GADL1: variants seen among roughly 807,000 people sequenced by gnomAD.
GADL1 encodes acidic amino acid decarboxylase GADL1.
In GADL1, 71 loss-of-function variants were observed where a neutral mutation model predicts 69.5. The observed-to-expected ratio is 1.02, with a 90% confidence interval of 0.84 to 1.25. The LOEUF (loss-of-function observed/expected upper bound fraction) is 1.25, where lower values mean the gene tolerates loss of function less well. Ranked by LOEUF, GADL1 falls within the 50% of genes most tolerant of loss-of-function variation. The pLI, the probability that GADL1 is intolerant of heterozygous loss-of-function variation, is 0.00. For missense variants in GADL1, 737 were observed against 631.8 expected, an observed-to-expected ratio of 1.17 and a Z score of -1.79; for synonymous variants, 254 against 214.4, an observed-to-expected ratio of 1.18 and a Z score of -1.62.
At chr3:30,783,250 A>AT (rs796496223) in intron 13 of GADL1, among the ~76,000 whole-genome samples, 63 of 152,332 alleles carry the variant, frequency 4.1e-4, no homozygotes, top group African/African-American at 1.5e-3. Flanking sequence ...CTCCCAAGAG[A>AT]TAAAAAATAA....
At chr3:30,766,446 C>T (rs1289764218) in intron 14 of GADL1, among the ~76,000 whole-genome samples, 1 of 152,190 alleles carries the variant, frequency 6.6e-6, no homozygotes, top group Non-Finnish European at 1.5e-5. Context: ...ACATTTACTT[C>T]ACATCAGGCT....
Position 30,842,822 on chromosome 3 carries a change from T to TCAAAAAA in GADL1, c.786+1387_786+1388insTTTTTTG, listed in dbSNP as rs1553602110. Among the ~76,000 whole-genome samples the TCAAAAAA allele has an allele frequency of 2.9e-5, 3 of 103,490 alleles. No individual in the cohort carries two copies. In the East Asian group the frequency reaches 9.6e-4, roughly 33 times the overall value. 67.9% of individuals were successfully genotyped at this position (103,490 alleles called of 152,430 possible). On this transcript the variant is annotated intron_variant, in intron 8 of 14. Coordinates refer to ENST00000282538, the MANE Select transcript of GADL1 (RefSeq NM_207359.3). ...AAAGTTCACTTGTCATTGGAATGTT[T>TCAAAAAA]AAAAAAAAAAAAAAAAAAAAAGTAG...
chr3:30,732,335 T>TTTTCTTCAAATTGTAAATCAAATTC (rs1695471301), intron 14 of GADL1, among the ~76,000 whole-genome samples: 1 of 152,188 alleles, frequency 6.6e-6, no homozygotes, highest in Non-Finnish European at 1.5e-5. Context: ...TTCTGCTGTT[T>TTTTCTTCAAATTGTAAATCAAATTC]TTTCTTCAAA....
intron 13 of GADL1, among the ~76,000 whole-genome samples, chr3:30,779,270 T>C (rs1366700795): frequency 6.6e-6 from 1 of 152,236 alleles, no homozygotes; most frequent in Non-Finnish European, 1.5e-5. Flanking sequence ...GTCATATGCA[T>C]CTTCCTCATT....
At chr3:30,732,067 A>C (rs1436143651) in intron 14 of GADL1, among the ~76,000 whole-genome samples, 3 of 152,216 alleles carry the variant, frequency 2.0e-5, no homozygotes, top group Non-Finnish European at 4.4e-5. Flanking sequence ...ACTAACAGTC[A>C]GCTTATCACC....
intron 2 of GADL1, among the ~76,000 whole-genome samples, chr3:30,858,286 T>C (rs866571197): frequency 6.6e-6 from 1 of 151,970 alleles, no homozygotes; most frequent in African/African-American, 2.4e-5. Context: ...TGACATATTA[T>C]AGAGTTTGGA....
At position 30,840,631 on chromosome 3, in the gene GADL1, C is replaced by T. The variant is rs554039548; in HGVS notation, c.787-1518G>A. Among the ~76,000 whole-genome samples the T allele has an allele frequency of 3.3e-5, 5 of 152,264 alleles. No individual in the cohort carries two copies. In the South Asian group the frequency reaches 6.2e-4, roughly 19 times the overall value. ...ATTTAAGTTGTCTTTAATGGTTGCG[C>T]TTTTCCTCATAAACTATATGACATC... On this transcript the variant is annotated intron_variant, in intron 8 of 14. Transcript: ENST00000282538.
intron 9 of GADL1, among the ~76,000 whole-genome samples, chr3:30,838,250 T>A (rs1393072344): frequency 3.3e-5 from 5 of 152,032 alleles, no homozygotes; most frequent in Admixed American, 1.3e-4. Context: ...ACAAAAAAAA[T>A]TAATTTTAAA....
At chr3:30,808,790 C>T (rs1697301427) in intron 11 of GADL1, among the ~76,000 whole-genome samples, 1 of 152,118 alleles carries the variant, frequency 6.6e-6, no homozygotes, top group South Asian at 2.1e-4. Flanking sequence ...TTTTTCTTCC[C>T]TCACTGTTAT....
rs189055959 is a variant in GADL1 at position 30,879,018 on chromosome 3, T to A, written c.37+15560A>T. Among the ~76,000 whole-genome samples the A allele has an allele frequency of 1.9e-3, 289 of 151,886 alleles. 4 individuals carry two copies. The highest frequency in any genetic ancestry group is 6.6e-3 in the African/African-American group (273 of 41,494). Reference sequence around the variant, plus strand: ...TGATGACTTCTAGGTATGTGGGGAGTAAAGAATGTCTCACTCAACCTCAGA... The same window carrying A: ...TGATGACTTCTAGGTATGTGGGGAGAAAAGAATGTCTCACTCAACCTCAGA... On this transcript the variant is annotated intron_variant, in intron 1 of 14. Coordinates refer to ENST00000282538, the MANE Select transcript of GADL1 (RefSeq NM_207359.3).
At chr3:30,874,647 A>G (rs886893343) in intron 1 of GADL1, among the ~76,000 whole-genome samples, 4 of 151,968 alleles carry the variant, frequency 2.6e-5, no homozygotes, top group Non-Finnish European at 5.9e-5. Context: ...TGTTATCTAC[A>G]TTCCACCACT....
chr3:30,832,353 A>T (rs568111086), intron 11 of GADL1, among the ~76,000 whole-genome samples: 1 of 150,846 alleles, frequency 6.6e-6, no homozygotes, highest in African/African-American at 2.5e-5. Flanking sequence ...AAAAAAAAAA[A>T]CCCTGTTAAG....
At chr3:30,743,961 T>TG (rs889326314) in intron 14 of GADL1, among the ~76,000 whole-genome samples, 2 of 152,110 alleles carry the variant, frequency 1.3e-5, no homozygotes, top group Non-Finnish European at 2.9e-5. Flanking sequence ...GTCTGGATGC[T>TG]GGGGGGAAGA....
rs142092596 is a variant in GADL1 at position 30,816,054 on chromosome 3, C to T, written c.1051-14966G>A. 1.9e-3 allele frequency among the ~76,000 whole-genome samples: 291 copies of T among 152,198 alleles called. 3 individuals carry two copies. The highest frequency in any genetic ancestry group is 6.6e-3 in the African/African-American group (272 of 41,516). On this transcript the variant is annotated intron_variant, in intron 11 of 14. Transcript: ENST00000282538. ...GATTTAATGGGTTACTATATTTATC[C>T]ACTTGTTTTATCTGTTTATTGAACT...
chr3:30,792,951 G>C (rs1696953405), intron 12 of GADL1, among the ~76,000 whole-genome samples: 1 of 152,140 alleles, frequency 6.6e-6, no homozygotes, highest in Non-Finnish European at 1.5e-5. Context: ...AGGTTCTACA[G>C]GCAAGAGAGA....
rs1323614981 is a variant in GADL1, at chr3:30,861,539, G to T, written c.210+54C>A. On this transcript the variant is annotated intron_variant, in intron 2 of 14. Transcript: ENST00000282538. Reference sequence around the variant, plus strand: ...GCTTTCTATTCAGCCATACTGATTTGGGGAACATCTATCTTTCCCATTTCT... The same window carrying T: ...GCTTTCTATTCAGCCATACTGATTTTGGGAACATCTATCTTTCCCATTTCT... 3.0e-6 allele frequency: 4 copies of T among 1,320,136 alleles called. No individual in the cohort carries two copies. The African/African-American group carries it at 4.5e-5, about 15-fold the overall frequency. 81.8% of individuals were successfully genotyped at this position (1,320,136 alleles called of 1,614,324 possible).
At chr3:30,741,128 ATATATATATATG>A (rs1157571208) in intron 14 of GADL1, among the ~76,000 whole-genome samples, 10 of 134,460 alleles carry the variant, frequency 7.4e-5, no homozygotes, top group African/African-American at 2.9e-4. Context: ...ATATATATAT[ATATATATATATG>A]TGTGAGATAG....
intron 14 of GADL1, among the ~76,000 whole-genome samples, chr3:30,756,534 C>A (rs1695974766): frequency 6.6e-6 from 1 of 152,176 alleles, no homozygotes; most frequent in Non-Finnish European, 1.5e-5. Context: ...GTAATCTAGC[C>A]TGGTCTTGGA....
intron 14 of GADL1, among the ~76,000 whole-genome samples, chr3:30,756,379 TAA>T (rs1448411850): frequency 6.6e-6 from 1 of 151,778 alleles, no homozygotes; most frequent in Non-Finnish European, 1.5e-5. Context: ...TGTCAAGCCA[TAA>T]AACACTCTAT....
Sources: allele counts gnomAD v4.1 joint callset (sites outside exome capture counted in the v4.1 genomes callset), GRCh38; gene constraint gnomAD v4.1.1; transcripts MANE v1.5; gene names NCBI Gene and HGNC (gene_info 2026-07-23, HGNC 2026-07-21).